The following ZC3H12B variants were observed in gnomAD, a reference collection of about 807,000 sequenced individuals.
The protein encoded by ZC3H12B is zinc finger CCCH-type containing 12B, also known as probable ribonuclease ZC3H12B.
ZC3H12B carries 7 observed loss-of-function variants against 43.9 expected under a neutral mutation model. The observed-to-expected ratio is 0.16, with a 90% CI of 0.09 to 0.30. The LOEUF is 0.30. Ranked by LOEUF, ZC3H12B falls within the 10% of genes least tolerant of loss-of-function variation. The pLI is 1.00. For missense variants in ZC3H12B, 475 were observed against 670.2 expected (o/e 0.71, Z 3.22); for synonymous variants, 222 against 241.7 (o/e 0.92, Z 0.76).
the ZC3H12B span, among the ~76,000 whole-genome samples, chrX:65,043,875 C>T: frequency 8.9e-6 from 1 of 111,807 alleles, no homozygotes; most frequent in African/African-American, 3.2e-5. Context: ...GATATCTTGG[C>T]TACCAGGAAA....
chrX:65,199,777 A>ATT, the ZC3H12B span, among the ~76,000 whole-genome samples: 34 of 92,628 alleles, frequency 3.7e-4, no homozygotes, highest in Non-Finnish European at 5.0e-4. Flanking sequence ...ACATGATCTC[A>ATT]TTTTTTTTTT....
At chrX:65,324,339 A>T in the ZC3H12B span, among the ~76,000 whole-genome samples, 1 of 111,643 alleles carries the variant, frequency 9.0e-6, no homozygotes, top group African/African-American at 3.2e-5. Flanking sequence ...TTTTGCATTT[A>T]AGTCTTTAAT....
the ZC3H12B span, among the ~76,000 whole-genome samples, chrX:65,162,135 A>T: frequency 9.0e-6 from 1 of 111,481 alleles, no homozygotes; most frequent in South Asian, 3.8e-4. Flanking sequence ...CCACGAGATC[A>T]GCTGTTAGTC....
At chrX:65,202,447 G>A in the ZC3H12B span, among the ~76,000 whole-genome samples, 2 of 108,866 alleles carry the variant, frequency 1.8e-5, no homozygotes, top group East Asian at 5.7e-4. Flanking sequence ...AGCATAAGTG[G>A]GCACTCAAAT....
the ZC3H12B span, among the ~76,000 whole-genome samples, chrX:65,196,373 G>C: frequency 9.0e-6 from 1 of 111,503 alleles, no homozygotes; most frequent in African/African-American, 3.3e-5. Flanking sequence ...TAATCAGTAA[G>C]TCATTGGTGC....
At chrX:65,344,203 A>T in the ZC3H12B span, among the ~76,000 whole-genome samples, 1 of 112,340 alleles carries the variant, frequency 8.9e-6, no homozygotes, top group East Asian at 2.8e-4. Context: ...ATAGGAAAAC[A>T]TTCCATGCTC....
chrX:65,073,193 C>T, the ZC3H12B span, among the ~76,000 whole-genome samples: 1 of 112,820 alleles, frequency 8.9e-6, no homozygotes, highest in Admixed American at 9.3e-5. Context: ...CATACACACA[C>T]ACACACGCAT....
chrX:65,142,605 C>G, the ZC3H12B span, among the ~76,000 whole-genome samples: 1 of 112,393 alleles, frequency 8.9e-6, no homozygotes, highest in Admixed American at 9.4e-5. Flanking sequence ...TTTTCCAATG[C>G]TATCTTCCAG....
intron 4 of ZC3H12B, 49 bp downstream of exon 9, chrX:65,500,038 G>A: frequency 1.0e-6 from 1 of 972,980 alleles, no homozygotes; most frequent in South Asian, 2.1e-5. Flanking sequence ...GAAACATAAG[G>A]ATTCTGTGAA....
the ZC3H12B span, among the ~76,000 whole-genome samples, chrX:65,137,269 A>G: frequency 1.1e-4 from 12 of 112,392 alleles, no homozygotes; most frequent in African/African-American, 3.2e-4. Flanking sequence ...TTTTAAATTT[A>G]GAGATGCCAA....
At chrX:65,233,979 G>T in the ZC3H12B span, among the ~76,000 whole-genome samples, 1 of 111,280 alleles carries the variant, frequency 9.0e-6, no homozygotes, top group South Asian at 3.8e-4. Flanking sequence ...ATCCTTTTCA[G>T]ACTATTCTGA....
chrX:65,453,401 TATAA>T (rs1339383754), intron 3 of ZC3H12B, among the ~76,000 whole-genome samples: 10 of 75,704 alleles, frequency 1.3e-4, no homozygotes, highest in South Asian at 6.6e-4. Flanking sequence ...TATATATATA[TATAA>T]AATAGAATAG....
At chrX:65,036,112 G>A in the ZC3H12B span, among the ~76,000 whole-genome samples, 1 of 111,904 alleles carries the variant, frequency 8.9e-6, no homozygotes. Flanking sequence ...CACCGGAAGT[G>A]ATATTCTGGA....
the ZC3H12B span, among the ~76,000 whole-genome samples, chrX:65,320,501 C>T: frequency 2.7e-5 from 3 of 111,389 alleles, 1 homozygote; most frequent in Admixed American, 2.9e-4. Context: ...AGTGCTATTC[C>T]AATTAAACTT....
chrX:65,330,902 C>T, the ZC3H12B span: 1 of 241,140 alleles, frequency 4.1e-6, no homozygotes, highest in South Asian at 6.0e-5. Context: ...TCTCTTTCTT[C>T]TTTTGTTGTT....
chrX:65,161,891 G>T, the ZC3H12B span, among the ~76,000 whole-genome samples: 1 of 111,776 alleles, frequency 8.9e-6, no homozygotes. Flanking sequence ...TCATGATTTT[G>T]CAGTGGCTGG....
exon 5 of ZC3H12B, chrX:65,506,652 CTG>C (rs762023265): frequency 1.8e-5 from 2 of 112,144 alleles, no homozygotes; most frequent in Non-Finnish European, 3.8e-5. Context: ...CATAGGAAGT[CTG>C]TGCCTGTTGA....
the ZC3H12B span, among the ~76,000 whole-genome samples, chrX:65,073,858 G>C: frequency 9.0e-6 from 1 of 111,626 alleles, no homozygotes; most frequent in African/African-American, 3.3e-5. Flanking sequence ...CTGTAGCCCT[G>C]TGCAGGGTTC....
At chrX:65,224,703 C>T in the ZC3H12B span, among the ~76,000 whole-genome samples, 7 of 112,105 alleles carry the variant, frequency 6.2e-5, no homozygotes, top group East Asian at 5.6e-4. Context: ...GCTTAAAAAA[C>T]GGCACACCAG....
Sources: allele counts gnomAD v4.1 joint callset (sites outside exome capture counted in the v4.1 genomes callset), GRCh38; gene constraint gnomAD v4.1.1; transcripts MANE v1.5; gene names NCBI Gene and HGNC (gene_info 2026-07-23, HGNC 2026-07-21).